The following BBS9 variants were observed in gnomAD, a reference collection of about 807,000 sequenced individuals.
BBS9 encodes the protein Bardet-Biedl syndrome 9.
BBS9 carries 89 observed loss-of-function variants against 117.7 expected under a neutral mutation model. That is an observed-to-expected ratio of 0.76 (90% CI 0.64 to 0.90). The LOEUF (loss-of-function observed/expected upper bound fraction) is 0.90. Among genes scored for constraint, BBS9 ranks in the 40% least tolerant of loss-of-function variants. The pLI is 0.00. For missense variants in BBS9, 982 were observed against 1,042.2 expected (o/e 0.94, Z 0.80); for synonymous variants, 379 against 370.9 (o/e 1.02, Z -0.25).
At chr7:33,325,067 C>T (rs1405495900) in intron 9 of BBS9, among the ~76,000 whole-genome samples, 2 of 152,164 alleles carry the variant, frequency 1.3e-5, no homozygotes, top group African/African-American at 4.8e-5. Flanking sequence ...AAACTTTCTA[C>T]CTCTATCTTT....
At chr7:33,315,615 G>A (rs189743280) in intron 9 of BBS9, among the ~76,000 whole-genome samples, 2 of 152,248 alleles carry the variant, frequency 1.3e-5, no homozygotes, top group Non-Finnish European at 2.9e-5. Context: ...AGAGAAATGG[G>A]GAGGATGAAG....
intron 19 of BBS9, among the ~76,000 whole-genome samples, chr7:33,437,400 A>G (rs1374686177): frequency 1.3e-5 from 2 of 152,172 alleles, no homozygotes; most frequent in Non-Finnish European, 2.9e-5. Context: ...GGGTATTTTT[A>G]ATGGATATAT....
At chr7:33,151,384 T>G (rs541001002) in intron 2 of BBS9, among the ~76,000 whole-genome samples, 1 of 152,158 alleles carries the variant, frequency 6.6e-6, no homozygotes, top group Non-Finnish European at 1.5e-5. Flanking sequence ...ACTGATAGAT[T>G]TAAGTACAGA....
intron 9 of BBS9, among the ~76,000 whole-genome samples, chr7:33,296,614 A>T (rs984680700): frequency 6.6e-6 from 1 of 152,174 alleles, no homozygotes; most frequent in Non-Finnish European, 1.5e-5. Context: ...AAACACTTGC[A>T]GGGTTCATTA....
chr7:33,312,790 T>G (rs1449060168), intron 9 of BBS9, among the ~76,000 whole-genome samples: 1 of 152,210 alleles, frequency 6.6e-6, no homozygotes, highest in Non-Finnish European at 1.5e-5. Context: ...ATTTATCTGC[T>G]TAATTTTCCT....
intron 19 of BBS9, among the ~76,000 whole-genome samples, chr7:33,388,950 G>C (rs1826528442): frequency 6.6e-6 from 1 of 152,080 alleles, no homozygotes; most frequent in Non-Finnish European, 1.5e-5. Flanking sequence ...TTTTTGAATT[G>C]AGTTTTTTAA....
chr7:33,318,794 C>T (rs2128573623), intron 9 of BBS9, among the ~76,000 whole-genome samples: 1 of 152,220 alleles, frequency 6.6e-6, no homozygotes, highest in Non-Finnish European at 1.5e-5. Flanking sequence ...CCTTTGCATC[C>T]TCATAGCTTA....
At chr7:33,346,971 A>G (rs1817702585) in intron 12 of BBS9, among the ~76,000 whole-genome samples, 1 of 152,082 alleles carries the variant, frequency 6.6e-6, no homozygotes, top group Non-Finnish European at 1.5e-5. Flanking sequence ...TAAACTGTAA[A>G]ATAGGGATAC....
intron 5 of BBS9, among the ~76,000 whole-genome samples, chr7:33,195,222 T>TA (rs1784751183): frequency 6.6e-6 from 1 of 152,194 alleles, no homozygotes; most frequent in Non-Finnish European, 1.5e-5. Flanking sequence ...AGTGGGTGCT[T>TA]AATTAGTATT....
rs77587778 is a variant in BBS9 at position 33,280,569 on chromosome 7, T to A, written c.1016+6613T>A. 9.3e-3 allele frequency among the ~76,000 whole-genome samples: 1,412 copies of A among 152,284 alleles called. 4 individuals are homozygous for A. The highest frequency in any genetic ancestry group is 0.027 in the Middle Eastern group (8 of 294). ...AATTTCTATCACATTCATAATTATG[T>A]TGATGAACTACTATTTGACTTTCCT... On this transcript the variant is annotated intron_variant, in intron 9 of 22. Coordinates refer to ENST00000242067, the MANE Select transcript of BBS9 (RefSeq NM_198428.3).
chr7:33,630,222 G>C (rs1865821881), intron 21 of BBS9, among the ~76,000 whole-genome samples: 1 of 152,122 alleles, frequency 6.6e-6, no homozygotes, highest in Non-Finnish European at 1.5e-5. Context: ...ACCACTTCAA[G>C]CCATGTAACA....
chr7:33,399,018 A>T (rs920602548), intron 19 of BBS9, among the ~76,000 whole-genome samples: 2 of 152,222 alleles, frequency 1.3e-5, no homozygotes, highest in Non-Finnish European at 1.5e-5. Flanking sequence ...TCAATATATC[A>T]TTTCAACATG....
chr7:33,389,846 A>G (rs1826746302), intron 19 of BBS9, among the ~76,000 whole-genome samples: 1 of 152,098 alleles, frequency 6.6e-6, no homozygotes, highest in Admixed American at 6.6e-5. Flanking sequence ...GGTTTTTGGC[A>G]ATTCCCTTAC....
At chr7:33,505,711 T>A in intron 20 of BBS9, 66 bp downstream of exon 20, 1 of 1,524,792 alleles carries the variant, frequency 6.6e-7, no homozygotes, top group Non-Finnish European at 9.0e-7. Context: ...TAGGAAGATA[T>A]CACATGGCTA....
intron 16 of BBS9, 37 bp from the exon 17 acceptor site, chr7:33,367,730 C>G: frequency 6.3e-7 from 1 of 1,584,852 alleles, no homozygotes; most frequent in Non-Finnish European, 8.7e-7. Context: ...ATTTTGCCTT[C>G]TGGTTACATA....
chr7:33,206,291 G>A (rs1204656838), intron 5 of BBS9, among the ~76,000 whole-genome samples: 1 of 152,140 alleles, frequency 6.6e-6, no homozygotes, highest in East Asian at 1.9e-4. Flanking sequence ...TGTCTTTATA[G>A]TTAGTAAAGT....
At chr7:33,291,776 A>G (rs1460507359) in intron 9 of BBS9, among the ~76,000 whole-genome samples, 2 of 152,194 alleles carry the variant, frequency 1.3e-5, no homozygotes, top group Non-Finnish European at 2.9e-5. Context: ...TGTTAAATGG[A>G]GTTTATTCAG....
intron 9 of BBS9, among the ~76,000 whole-genome samples, chr7:33,280,930 T>TTTTTATA (rs1801752243): frequency 7.3e-6 from 1 of 137,306 alleles, no homozygotes; most frequent in Non-Finnish European, 1.6e-5. Flanking sequence ...TTTTTTTTTT[T>TTTTTATA]GCATTATAGA....
chr7:33,277,306 T>C (rs1025166030), intron 9 of BBS9, among the ~76,000 whole-genome samples: 12 of 152,216 alleles, frequency 7.9e-5, no homozygotes, highest in African/African-American at 2.9e-4. Context: ...CTCCTGTTTT[T>C]GTCATTCCCT....
Sources: allele counts gnomAD v4.1 joint callset (sites outside exome capture counted in the v4.1 genomes callset), GRCh38; gene constraint gnomAD v4.1.1; transcripts MANE v1.5; gene names NCBI Gene and HGNC (gene_info 2026-07-23, HGNC 2026-07-21).